The following GNA13 variants were observed in gnomAD, a reference collection of about 807,000 sequenced individuals.
GNA13 encodes guanine nucleotide-binding protein subunit alpha-13.
In GNA13, 4 loss-of-function variants were observed where a neutral mutation model predicts 33.5. The ratio of observed to expected loss-of-function variants is 0.12; its 90% CI spans 0.06 to 0.27. The LOEUF (loss-of-function observed/expected upper bound fraction) is 0.27, where lower values mean the gene tolerates loss of function less well. GNA13 is among the 10% of genes least tolerant of loss of function. The pLI, the probability that GNA13 is intolerant of heterozygous loss-of-function variation, is 1.00. For missense variants in GNA13, 319 were observed against 487.2 expected (o/e 0.65, Z 3.25); for synonymous variants, 176 against 183.8 (o/e 0.96, Z 0.34).
intron 2 of GNA13, among the ~76,000 whole-genome samples, chr17:65,026,099 A>G (rs1304716988): frequency 6.6e-6 from 1 of 151,974 alleles, no homozygotes; most frequent in East Asian, 1.9e-4. Flanking sequence ...AAACATTACT[A>G]TGATTTTATA....
In GNA13 at chr17:65,014,032, G is replaced by C; in HGVS notation, c.*225C>G. On this transcript the variant is annotated 3_prime_UTR_variant, in exon 4 of 4. Transcript: ENST00000439174. The surrounding 1 kb of genome is among the most constrained non-coding windows in gnomAD (Gnocchi z 5.3). ...TAACTGGACTTGAATAGAAGCCATG[G>C]TGAAACAGATCAAAGCCTGCATTAC... 1 of 511,630 alleles carries C rather than the reference G, an allele frequency of 2.0e-6. No homozygotes were observed. The highest frequency in any genetic ancestry group is 3.1e-5 in the East Asian group (1 of 32,712). 31.7% of individuals were successfully genotyped at this position (511,630 alleles called of 1,614,324 possible). A position where few individuals can be genotyped will look rare whatever the true frequency, so the allele number is the denominator to read the frequency against.
chr17:65,027,314 C>CTTT (rs11393360), intron 2 of GNA13, among the ~76,000 whole-genome samples: 19 of 136,854 alleles, frequency 1.4e-4, no homozygotes, highest in Non-Finnish European at 2.5e-4. Context: ...CCTCCCCCGC[C>CTTT]TTTTTTTTTT....
rs576880769 is a variant in GNA13, at chr17:65,033,599, A to T, written c.511-15296T>A. Among the ~76,000 whole-genome samples, 6 of 152,318 alleles carry T rather than the reference A, an allele frequency of 3.9e-5. No individual in the cohort carries two copies. The East Asian group carries it at 1.2e-3, about 29-fold the overall frequency. On this transcript the variant is annotated intron_variant, in intron 2 of 3. Coordinates refer to ENST00000439174, the MANE Select transcript of GNA13 (RefSeq NM_006572.6). ...GAGTAAAATGTTCAGTTCATGAGGA[A>T]CAAAACTTATAGCCGACAAGCCATT... is the stretch of plus-strand genomic sequence containing the variant.
intron 2 of GNA13, among the ~76,000 whole-genome samples, chr17:65,046,033 C>G (rs981842549): frequency 2.6e-5 from 4 of 152,128 alleles, no homozygotes; most frequent in Non-Finnish European, 5.9e-5. Flanking sequence ...GGTCTGTGAA[C>G]TGAAGCATCT....
At position 65,010,568 on chromosome 17, in the gene GNA13, T is replaced by C. The variant is rs1334974679; in HGVS notation, c.*3689A>G. On this transcript the variant is annotated 3_prime_UTR_variant, in exon 4 of 4. Coordinates refer to ENST00000439174, the MANE Select transcript of GNA13 (RefSeq NM_006572.6). ...GCACAACACAAGGACAGATCATCTG[T>C]GATTAACAGAAGCGAACGCCTTAAA... The C allele has an allele frequency of 1.5e-5, 3 of 206,420 alleles. No individual in the cohort carries two copies. Among genetic ancestry groups the C allele is most frequent in the African/African-American group, 6.8e-5 (3 of 43,884 alleles). 12.8% of individuals were successfully genotyped at this position (206,420 alleles called of 1,614,324 possible).
chr17:65,043,346 G>A (rs1481544483), intron 2 of GNA13, among the ~76,000 whole-genome samples: 1 of 151,726 alleles, frequency 6.6e-6, no homozygotes, highest in Non-Finnish European at 1.5e-5. Context: ...GGAGTGCAGT[G>A]GTGCAATCTC....
rs190102287 is a variant in GNA13, at chr17:65,054,328, A to T, written c.284-600T>A. 2.0e-5 allele frequency among the ~76,000 whole-genome samples: 3 copies of T among 152,376 alleles called. No homozygotes were observed. In the East Asian group the frequency reaches 5.8e-4, roughly 29 times the overall value. On this transcript the variant is annotated intron_variant, in intron 1 of 3. Transcript: ENST00000439174. Reference sequence around the variant, plus strand: ...AAGGGAGGAAGATCAACTGCAAAATAATACAAAGTCGGACTCCAACTCACA... The same window carrying T: ...AAGGGAGGAAGATCAACTGCAAAATTATACAAAGTCGGACTCCAACTCACA...
Position 65,012,577 on chromosome 17 carries a change from AT to A in GNA13, c.*1679del, listed in dbSNP as rs1906233038. On this transcript the variant is annotated 3_prime_UTR_variant, in exon 4 of 4. Transcript: ENST00000439174. ...TGCTAGAAGTTATATGGATACAATG[AT>A]AGTGGAAGTTCAAATGTGAGAAAAG... is the stretch of plus-strand genomic sequence containing the variant. 4.5e-6 allele frequency: 1 copy of A among 224,240 alleles called. No individual in the cohort carries two copies. The highest frequency in any genetic ancestry group is 2.2e-5 in the African/African-American group (1 of 44,822). 13.9% of individuals were successfully genotyped at this position (224,240 alleles called of 1,614,324 possible). A position where few individuals can be genotyped will look rare whatever the true frequency, so the allele number is the denominator to read the frequency against.
chr17:65,027,363 G>C (rs1268962674), intron 2 of GNA13, among the ~76,000 whole-genome samples: 1 of 148,222 alleles, frequency 6.7e-6, no homozygotes, highest in African/African-American at 2.5e-5. Context: ...TCCCAGGCTG[G>C]TCTCAAATTC....
At chr17:65,035,486 G>A (rs981237730) in intron 2 of GNA13, among the ~76,000 whole-genome samples, 4 of 152,070 alleles carry the variant, frequency 2.6e-5, no homozygotes, top group Non-Finnish European at 4.4e-5. Context: ...GTCCTGAGGT[G>A]GTAGGATAGT....
chr17:65,035,768 C>A (rs1907224353), intron 2 of GNA13, among the ~76,000 whole-genome samples: 1 of 151,122 alleles, frequency 6.6e-6, no homozygotes, highest in African/African-American at 2.4e-5. Flanking sequence ...AGAACTAGAA[C>A]CCTTCGTTGT....
chr17:65,015,485 A>G (rs1316122055), intron 3 of GNA13, among the ~76,000 whole-genome samples: 1 of 151,774 alleles, frequency 6.6e-6, no homozygotes, highest in African/African-American at 2.4e-5. Context: ...ACACAGTGAA[A>G]CCCCATCTCT....
chr17:65,045,278 G>A (rs1280843308), intron 2 of GNA13, among the ~76,000 whole-genome samples: 1 of 152,012 alleles, frequency 6.6e-6, no homozygotes, highest in Non-Finnish European at 1.5e-5. Flanking sequence ...CCAGCACTTT[G>A]GGAGGCTAAG....
Position 65,013,987 on chromosome 17 carries a change from T to G in GNA13, c.*270A>C. 1 of 411,258 alleles carries G rather than the reference T, an allele frequency of 2.4e-6. No individual in the cohort carries two copies. Among genetic ancestry groups the G allele is most frequent in the Non-Finnish European group, 4.4e-6 (1 of 228,696 alleles). The allele number at this position is 411,258 out of a possible 1,614,324, so 25.5% of individuals were successfully genotyped here. A position where few individuals can be genotyped will look rare whatever the true frequency, so the allele number is the denominator to read the frequency against. On this transcript the variant is annotated 3_prime_UTR_variant, in exon 4 of 4. Coordinates refer to ENST00000439174, the MANE Select transcript of GNA13 (RefSeq NM_006572.6). ...TTTAAAGCCTGAAATATGCCTAGTC[T>G]GAGGTCAGCTGGGAGGTTTTAACTG... is the stretch of plus-strand genomic sequence containing the variant.
chr17:65,055,219 T>C (rs1908000258), intron 1 of GNA13, among the ~76,000 whole-genome samples: 1 of 152,164 alleles, frequency 6.6e-6, no homozygotes, highest in Non-Finnish European at 1.5e-5. Flanking sequence ...TGCACCTAAA[T>C]TTTGCCAAAA....
chr17:65,009,514 T>C lies in GNA13; in HGVS notation c.*4743A>G, dbSNP rs1025549451. ...CTGACAAAAAAATTTACAACAATTA[T>C]CAGATAATGTGCTTAGTTCCTGGAA... On this transcript the variant is annotated 3_prime_UTR_variant, in exon 4 of 4. Transcript: ENST00000439174. 6.6e-6 allele frequency among the ~76,000 whole-genome samples: 1 copy of C among 152,076 alleles called. No individual in the cohort carries two copies. The highest frequency in any genetic ancestry group is 1.5e-5 in the Non-Finnish European group (1 of 68,026).
At chr17:65,026,842 G>A (rs1255096974) in intron 2 of GNA13, among the ~76,000 whole-genome samples, 1 of 152,166 alleles carries the variant, frequency 6.6e-6, no homozygotes, top group Non-Finnish European at 1.5e-5. Flanking sequence ...GCAATGGCAG[G>A]ATCCTGGCTC....
At chr17:65,016,337 T>C (rs1906366570) in intron 3 of GNA13, among the ~76,000 whole-genome samples, 2 of 152,192 alleles carry the variant, frequency 1.3e-5, no homozygotes, top group Non-Finnish European at 2.9e-5. Context: ...TGTCTCAAAA[T>C]GGTGCAATGG....
At chr17:65,055,852 C>T (rs1271042225) in intron 1 of GNA13, 3 of 651,984 alleles carry the variant, frequency 4.6e-6, no homozygotes, top group African/African-American at 3.9e-5. Flanking sequence ...CCCCATGTGA[C>T]TCGGGTCACC....
Sources: allele counts gnomAD v4.1 joint callset (sites outside exome capture counted in the v4.1 genomes callset), GRCh38; gene constraint gnomAD v4.1.1; non-coding constraint Gnocchi (gnomAD v3.1); transcripts MANE v1.5; gene names NCBI Gene and HGNC (gene_info 2026-07-23, HGNC 2026-07-21).